Variants in SCYL3 observed in about 807,000 individuals in gnomAD.
SCYL3 encodes SCY1 like pseudokinase 3.
In SCYL3, 35 loss-of-function variants were observed where a neutral mutation model predicts 73.8. The ratio of observed to expected loss-of-function variants is 0.47; its 90% CI spans 0.36 to 0.63. The LOEUF (loss-of-function observed/expected upper bound fraction) is 0.63. SCYL3 is among the 20% of genes least tolerant of loss of function. The pLI, the probability that SCYL3 is intolerant of heterozygous loss-of-function variation, is 0.00. For synonymous variants in SCYL3, 277 were observed against 295.2 expected (o/e 0.94, Z 0.63); for missense variants, 712 against 798.9 (o/e 0.89, Z 1.31).
In SCYL3 at chr1:169,873,705, A is replaced by C; in HGVS notation, c.513T>G (p.Pro171=). 6.2e-7 allele frequency: 1 copy of C among 1,600,746 alleles called. No individual in the cohort carries two copies. The highest frequency in any genetic ancestry group is 8.6e-7 in the Non-Finnish European group (1 of 1,168,550). Residue 171 remains proline, a synonymous_variant, in exon 5 of 13, where the codon CCT becomes CCG. Transcript: ENST00000367771. The stretch of plus-strand genomic sequence containing the variant: ...AAGTATATCATCTTACCATCTCTTC[A>C]GGAGGGATAGATGCTGGGTCTCTTA... ...QSIRDPASIP[P]EEMSPEFTTL...
In SCYL3 at chr1:169,852,684, T is replaced by G. The variant is rs1019918082; in HGVS notation, c.*1029A>C. The G allele has an allele frequency of 7.7e-6, 9 of 1,169,096 alleles. No individual in the cohort carries two copies. In the Admixed American group the frequency reaches 1.3e-4, roughly 17 times the overall value. 72.4% of individuals were successfully genotyped at this position (1,169,096 alleles called of 1,614,324 possible). A position where few individuals can be genotyped will look rare whatever the true frequency, so the allele number is the denominator to read the frequency against. On this transcript the variant is annotated 3_prime_UTR_variant, in exon 13 of 13. Transcript: ENST00000367771. ...GGGGTGCATCCTCCTACCCTTGTGA[T>G]CCAATGACTAGAATAAAATTTGCAT...
At position 169,849,906 on chromosome 1, in the gene SCYL3, T is replaced by C. The variant is rs1269952059; in HGVS notation, c.*3807A>G. 4.3e-6 allele frequency: 2 copies of C among 464,056 alleles called. No homozygotes were observed. The highest frequency in any genetic ancestry group is 7.7e-6 in the Non-Finnish European group (2 of 258,550). The allele number at this position is 464,056 out of a possible 1,614,324, so 28.7% of individuals were successfully genotyped here. On this transcript the variant is annotated 3_prime_UTR_variant, in exon 13 of 13. Coordinates refer to ENST00000367771, the MANE Select transcript of SCYL3 (RefSeq NM_020423.7). ...ATAGTATTTTTGGGTCAAATGATAATACATTTCATTTTGTGCTATCAGTCA... is the reference window on the plus strand; with the variant it reads ...ATAGTATTTTTGGGTCAAATGATAACACATTTCATTTTGTGCTATCAGTCA...
rs1252549230 is a variant in SCYL3, at chr1:169,853,288, T to TAAA, written c.*424_*425insTTT. 2.5e-5 allele frequency: 9 copies of TAAA among 358,036 alleles called. No individual in the cohort carries two copies. The East Asian group carries it at 4.8e-4, about 19-fold the overall frequency. The allele number at this position is 358,036 out of a possible 1,614,324, so 22.2% of individuals were successfully genotyped here. A position where few individuals can be genotyped will look rare whatever the true frequency, so the allele number is the denominator to read the frequency against. On this transcript the variant is annotated 3_prime_UTR_variant, in exon 13 of 13. Coordinates refer to ENST00000367771, the MANE Select transcript of SCYL3 (RefSeq NM_020423.7). ...AACCTCAGCAATTTAAAATCATTTA[T>TAAA]ATAATTTATAGCTAAAATTTTTTAA...
rs75551060 is a variant in SCYL3, at chr1:169,850,396, T to C, written c.*3317A>G. 1.1e-4 allele frequency: 139 copies of C among 1,288,974 alleles called. No individual in the cohort carries two copies. Among genetic ancestry groups the C allele is most frequent in the Admixed American group, 4.3e-4 (21 of 49,202 alleles). 79.8% of individuals were successfully genotyped at this position (1,288,974 alleles called of 1,614,324 possible). On this transcript the variant is annotated 3_prime_UTR_variant, in exon 13 of 13. Coordinates refer to ENST00000367771, the MANE Select transcript of SCYL3 (RefSeq NM_020423.7). ...TTATTCTTTGTCCTATTTTTTTTTT[T>C]CCGAAATTATGTAACTGTAACCAAC... is the stretch of plus-strand genomic sequence containing the variant.
At position 169,864,714 on chromosome 1, in the gene SCYL3, C is replaced by T. The variant is rs149631271; in HGVS notation, c.816-206G>A. On this transcript the variant is annotated intron_variant, in intron 8 of 12. Coordinates refer to ENST00000367771, the MANE Select transcript of SCYL3 (RefSeq NM_020423.7). ...GTGGCTCACACCTGTAATCCCAGCA[C>T]TTTGGGCGGCCGCGGCGGGCAGATC... 5.9e-3 allele frequency among the ~76,000 whole-genome samples: 894 copies of T among 152,236 alleles called. 2 individuals are homozygous for T. The highest frequency in any genetic ancestry group is 0.01 in the Middle Eastern group (3 of 294).
chr1:169,893,600 G>C (rs115924431), intron 1 of SCYL3, among the ~76,000 whole-genome samples, 188 bp downstream of exon 1: 3,099 of 152,060 alleles, frequency 0.02, 109 homozygotes, highest in African/African-American at 0.071. Context: ...TCAGCAAGGG[G>C]AGGCTGCTCC....
At position 169,850,513 on chromosome 1, in the gene SCYL3, T is replaced by C; in HGVS notation, c.*3200A>G. Reference sequence around the variant, plus strand: ...ATTGAGGCCACAGAAGTAAAACACTTGGGGCCAGGCGCGGCGGCTCATGCC... The same window carrying C: ...ATTGAGGCCACAGAAGTAAAACACTCGGGGCCAGGCGCGGCGGCTCATGCC... On this transcript the variant is annotated 3_prime_UTR_variant, in exon 13 of 13. Coordinates refer to ENST00000367771, the MANE Select transcript of SCYL3 (RefSeq NM_020423.7). The C allele has an allele frequency of 1.8e-6, 1 of 549,564 alleles. No homozygotes were observed. Among genetic ancestry groups the C allele is most frequent in the Admixed American group, 3.1e-5 (1 of 32,310 alleles). 34.0% of individuals were successfully genotyped at this position (549,564 alleles called of 1,614,324 possible).
intron 12 of SCYL3, 151 bp from the exon 13 acceptor site, chr1:169,853,923 A>AAAGT (rs750846208): frequency 1.5e-5 from 12 of 816,960 alleles, no homozygotes; most frequent in Non-Finnish European, 1.9e-5. Flanking sequence ...GCTCTAACAG[A>AAAGT]AAGTTGAAAA....
At position 169,854,822 on chromosome 1, in the gene SCYL3, TTCAGGCTCC is replaced by T. The variant is rs1347707134; in HGVS notation, c.1446_1454del (p.Glu483_Glu485del). The T allele has an allele frequency of 3.7e-6, 6 of 1,613,940 alleles. No individual in the cohort carries two copies. The Admixed American group carries it at 1.0e-4, about 27-fold the overall frequency. On this transcript the variant is annotated inframe_deletion, in exon 12 of 13. Transcript: ENST00000367771. ...AAATCTGTATGTTGACAGTTTGATT[TTCAGGCTCC>T]TCAGGTTCACTCCAGTCAGGCCACT... is the stretch of plus-strand genomic sequence containing the variant.
chr1:169,893,736 C>T (rs1193414080), intron 1 of SCYL3, 52 bp downstream of exon 1: 1 of 151,872 alleles, frequency 6.6e-6, no homozygotes, highest in East Asian at 1.9e-4. Flanking sequence ...GCCCCTTCCC[C>T]CACGGCGCAG....
chr1:169,878,666 T>C lies in SCYL3; in HGVS notation c.319A>G (p.Ile107Val), dbSNP rs1299874868. 1.2e-6 allele frequency: 2 copies of C among 1,613,488 alleles called. No individual in the cohort carries two copies. The highest frequency in any genetic ancestry group is 8.5e-7 in the Non-Finnish European group (1 of 1,179,898). ...TGAAGGAAGATAAGAGCCAGCAATA[T>C]GTCATAGATCCCAGCACAGACCTCT... is the stretch of plus-strand genomic sequence containing the variant. ...SAEVCAGIYD[I>V]LLALIFLHDR... Residue 107 changes from isoleucine to valine, a missense_variant, in exon 3 of 13, where the codon ATA becomes GTA. By Grantham distance (29) the Ile-to-Val change is conservative. This residue lies in a region of SCYL3 where 342 missense variants were observed against 448.1 expected (regional missense o/e 0.76). Transcript: ENST00000367771.
chr1:169,868,673 C>T (rs1164281638), intron 7 of SCYL3, among the ~76,000 whole-genome samples: 1 of 152,238 alleles, frequency 6.6e-6, no homozygotes, highest in Non-Finnish European at 1.5e-5. Context: ...ATAAATCTGG[C>T]TACAGTTTCT....
intron 8 of SCYL3, among the ~76,000 whole-genome samples, chr1:169,865,436 TCTTA>T (rs1659972195): frequency 6.6e-6 from 1 of 152,154 alleles, no homozygotes; most frequent in Non-Finnish European, 1.5e-5. Flanking sequence ...GAGGGCCTCC[TCTTA>T]CTTAAGGCCA....
chr1:169,871,170 G>A (rs1292811627), intron 5 of SCYL3, among the ~76,000 whole-genome samples: 2 of 152,178 alleles, frequency 1.3e-5, no homozygotes, highest in Non-Finnish European at 2.9e-5. Flanking sequence ...TTCCAGCAAA[G>A]TGCAACTACT....
rs756694828 is a variant in SCYL3 at position 169,853,744 on chromosome 1, CCTT to C, written c.2033_2035del (p.Glu678del). ...GTTATTATCTTCCCAGTTCAGCTCC[CCTT>C]CTTCTTCCCAGCCTTCAGCCTCTCC... On this transcript the variant is annotated inframe_deletion, in exon 13 of 13. Coordinates refer to ENST00000367771, the MANE Select transcript of SCYL3 (RefSeq NM_020423.7). 3.8e-5 allele frequency: 62 copies of C among 1,613,862 alleles called. No homozygotes were observed. Among genetic ancestry groups the C allele is most frequent in the African/African-American group, 1.9e-4 (14 of 74,992 alleles).
At chr1:169,869,313 G>A (rs1405555584) in intron 6 of SCYL3, among the ~76,000 whole-genome samples, 1 of 152,188 alleles carries the variant, frequency 6.6e-6, no homozygotes, top group Non-Finnish European at 1.5e-5. Flanking sequence ...CAGGCCCAAA[G>A]AAGAAGGGCT....
At chr1:169,882,728 A>G (rs1230592139) in intron 2 of SCYL3, among the ~76,000 whole-genome samples, 2 of 152,300 alleles carry the variant, frequency 1.3e-5, no homozygotes, top group East Asian at 3.9e-4. Flanking sequence ...CACACTCTGT[A>G]TCTAGCTACT....
chr1:169,877,133 A>C (rs1660905795), intron 3 of SCYL3, among the ~76,000 whole-genome samples: 1 of 152,128 alleles, frequency 6.6e-6, no homozygotes, highest in African/African-American at 2.4e-5. Flanking sequence ...CAGTGATAAA[A>C]AAGTATGTTT....
chr1:169,873,158 G>A (rs1660543423), intron 5 of SCYL3, among the ~76,000 whole-genome samples: 1 of 152,186 alleles, frequency 6.6e-6, no homozygotes, highest in Non-Finnish European at 1.5e-5. Flanking sequence ...TTCAGTGGGA[G>A]GTGATTGAAT....
Sources: gnomAD v4.1 joint callset for allele counts (sites outside exome capture counted in the v4.1 genomes callset) on GRCh38, gnomAD v4.1.1 for gene constraint, gnomAD v4.1.1 regional missense constraint, MANE v1.5 for transcripts, NCBI Gene and HGNC (gene_info 2026-07-23, HGNC 2026-07-21) for gene names.